FANCA: variants seen among roughly 807,000 people sequenced by gnomAD.
The protein encoded by FANCA is Fanconi anemia group A protein.
In FANCA, 236 loss-of-function variants were observed where a neutral mutation model predicts 194.3. The ratio of observed to expected loss-of-function variants is 1.21; its 90% CI spans 1.09 to 1.35. FANCA has a LOEUF of 1.35. FANCA is among the 40% of genes most tolerant of loss of function. FANCA has a pLI of 0.00. For missense variants in FANCA, 2,628 were observed against 1,813.9 expected, an observed-to-expected ratio of 1.45 and a Z score of -8.15; for synonymous variants, 1,014 against 715.8, an observed-to-expected ratio of 1.42 and a Z score of -6.65.
intron 6 of FANCA, among the ~76,000 whole-genome samples, chr16:89,807,080 T>C (rs2040683784): frequency 6.6e-6 from 1 of 152,190 alleles, no homozygotes; most frequent in South Asian, 2.1e-4. Context: ...AAACCTCTAA[T>C]GATTATTGCT....
At chr16:89,780,272 T>C (rs934850995) in intron 17 of FANCA, among the ~76,000 whole-genome samples, 9 of 152,000 alleles carry the variant, frequency 5.9e-5, no homozygotes, top group Admixed American at 2.6e-4. Context: ...CAGGAAAGAG[T>C]TGAAAGTAAA....
intron 7 of FANCA, among the ~76,000 whole-genome samples, chr16:89,804,423 C>A (rs2040562144): frequency 6.6e-6 from 1 of 152,126 alleles, no homozygotes; most frequent in Admixed American, 6.6e-5. Flanking sequence ...GGTGGTGGGG[C>A]GGTTCTCTAG....
intron 30 of FANCA, among the ~76,000 whole-genome samples, chr16:89,758,339 G>A (rs1309438258): frequency 3.3e-5 from 5 of 152,146 alleles, no homozygotes; most frequent in South Asian, 2.1e-4. Context: ...AGGCCTCATC[G>A]GTGTGTGATG....
chr16:89,749,607 G>T, intron 32 of FANCA, 123 bp downstream of exon 32: 1 of 1,217,608 alleles, frequency 8.2e-7, no homozygotes, highest in Non-Finnish European at 1.2e-6. Flanking sequence ...ACAGGCTTGG[G>T]GTGGGGACAC....
intron 15 of FANCA, among the ~76,000 whole-genome samples, chr16:89,783,833 G>A (rs535790829): frequency 6.6e-5 from 10 of 152,072 alleles, no homozygotes; most frequent in South Asian, 2.1e-4. Context: ...GTGCAGTCTC[G>A]GCTCACTGCA....
intron 31 of FANCA, among the ~76,000 whole-genome samples, chr16:89,750,867 A>T (rs562348403): frequency 3.9e-5 from 6 of 152,106 alleles, no homozygotes; most frequent in African/African-American, 1.4e-4. Context: ...TTTACCCCAC[A>T]CATCATTTTT....
At chr16:89,811,515 A>G (rs2040878410) in intron 3 of FANCA, among the ~76,000 whole-genome samples, 1 of 152,234 alleles carries the variant, frequency 6.6e-6, no homozygotes, top group Non-Finnish European at 1.5e-5. Flanking sequence ...ATTTCCCAAC[A>G]TTCTGCCATG....
chr16:89,752,988 G>A (rs1221592056), intron 30 of FANCA, among the ~76,000 whole-genome samples: 1 of 152,188 alleles, frequency 6.6e-6, no homozygotes, highest in Non-Finnish European at 1.5e-5. Flanking sequence ...AGGCCTCACC[G>A]TCTCCCTGTG....
At chr16:89,755,214 T>G (rs934864426) in intron 30 of FANCA, among the ~76,000 whole-genome samples, 2 of 129,828 alleles carry the variant, frequency 1.5e-5, no homozygotes, top group Non-Finnish European at 3.6e-5. Context: ...ACACAACAAT[T>G]TTTTTTTTTT....
At chr16:89,782,443 A>G (rs2039751495) in intron 17 of FANCA, among the ~76,000 whole-genome samples, 1 of 151,796 alleles carries the variant, frequency 6.6e-6, no homozygotes, top group South Asian at 2.1e-4. Flanking sequence ...CCCAGGAGGC[A>G]GAGGTTGCAG....
intron 29 of FANCA, among the ~76,000 whole-genome samples, chr16:89,760,578 C>A (rs2038919480): frequency 1.3e-5 from 2 of 152,192 alleles, no homozygotes; most frequent in African/African-American, 4.8e-5. Context: ...GACCTCCACC[C>A]TAAACTCCAC....
chr16:89,737,887 C>G lies in FANCA; in HGVS notation c.*714G>C, dbSNP rs1337613881. The G allele has an allele frequency of 1.9e-6, 3 of 1,612,958 alleles. No individual in the cohort carries two copies. Among genetic ancestry groups the G allele is most frequent in the Admixed American group, 1.7e-5 (1 of 59,882 alleles). Reference sequence around the variant, plus strand: ...CTTCTCGTCCACCAAATGCGACATTCGGGAGCCAAGCCTTTGCAGTAAGTG... The same window carrying G: ...CTTCTCGTCCACCAAATGCGACATTGGGGAGCCAAGCCTTTGCAGTAAGTG... On this transcript the variant is annotated 3_prime_UTR_variant, in exon 43 of 43. Coordinates refer to ENST00000389301, the MANE Select transcript of FANCA (RefSeq NM_000135.4).
chr16:89,813,675 C>T (rs1436758829), intron 3 of FANCA, among the ~76,000 whole-genome samples: 1 of 152,064 alleles, frequency 6.6e-6, no homozygotes, highest in East Asian at 1.9e-4. Context: ...TCAGGTGATC[C>T]GCACACCTCA....
intron 14 of FANCA, among the ~76,000 whole-genome samples, chr16:89,788,017 G>A (rs1202687956): frequency 6.6e-6 from 1 of 151,838 alleles, no homozygotes; most frequent in East Asian, 2.0e-4. Context: ...GGGATTACAG[G>A]CACCTGCCAC....
chr16:89,807,542 G>C (rs1263419232), intron 6 of FANCA, among the ~76,000 whole-genome samples: 3 of 152,142 alleles, frequency 2.0e-5, no homozygotes, highest in South Asian at 4.2e-4. Context: ...CTGAGGTTAG[G>C]AGTTTGACAC....
intron 30 of FANCA, among the ~76,000 whole-genome samples, chr16:89,753,751 C>G (rs548423802): frequency 6.6e-6 from 1 of 152,262 alleles, no homozygotes; most frequent in Non-Finnish European, 1.5e-5. Context: ...AGTGTCGCTG[C>G]CTCTACTCAA....
At chr16:89,798,307 T>C in intron 10 of FANCA, 3 of 1,013,948 alleles carry the variant, frequency 3.0e-6, no homozygotes, top group Non-Finnish European at 3.6e-6. Flanking sequence ...CCGCAGTCTC[T>C]GGCACTTTGT....
chr16:89,793,774 T>A (rs2108839), intron 11 of FANCA, among the ~76,000 whole-genome samples: 4 of 151,232 alleles, frequency 2.6e-5, no homozygotes, highest in Admixed American at 2.0e-4. Flanking sequence ...TTTTTGATGC[T>A]GAGTCTCACT....
intron 20 of FANCA, chr16:89,778,410 G>A: frequency 2.9e-6 from 1 of 348,132 alleles, no homozygotes; most frequent in South Asian, 2.2e-5. Context: ...AGCTTGCAGT[G>A]AGCCAAGATT....
Sources: gnomAD v4.1 joint callset for allele counts (sites outside exome capture counted in the v4.1 genomes callset) on GRCh38, gnomAD v4.1.1 for gene constraint, MANE v1.5 for transcripts, NCBI Gene and HGNC (gene_info 2026-07-23, HGNC 2026-07-21) for gene names.